LRRC18: variants seen among roughly 807,000 people sequenced by gnomAD.
LRRC18 encodes leucine-rich repeat-containing protein 18.
Under a neutral mutation model 11.2 loss-of-function variants are expected in LRRC18, and 12 were observed. The observed-to-expected ratio is 1.07, with a 90% CI of 0.69 to 1.74. The LOEUF is 1.74. LRRC18 is among the 40% of genes most tolerant of loss of function. LRRC18 has a pLI of 0.00. For synonymous variants in LRRC18, 155 were observed against 130.6 expected, an observed-to-expected ratio of 1.19 and a Z score of -1.27; for missense variants, 374 against 330.5, an observed-to-expected ratio of 1.13 and a Z score of -1.02.
In LRRC18 at chr10:48,913,858, A is replaced by G; in HGVS notation, c.298T>C (p.Tyr100His). Reference sequence around the variant, plus strand: ...AGCCGGTTGTTGCTGACGTTGAGGTAGAGCAGGCTGGTCATCTGGCCAATG... The same window carrying G: ...AGCCGGTTGTTGCTGACGTTGAGGTGGAGCAGGCTGGTCATCTGGCCAATG... The change falls in exon 1 of 2, where the codon TAC becomes CAC. Residue 100 changes from tyrosine (Y) to histidine (H), a missense_variant. Physicochemically the swap from Tyr to His is moderately conservative, Grantham distance 83. Transcript: ENST00000374160. 1.9e-6 allele frequency: 3 copies of G among 1,614,110 alleles called. No individual in the cohort carries two copies. The highest frequency in any genetic ancestry group is 2.5e-6 in the Non-Finnish European group (3 of 1,180,006).
chr10:48,929,809 C>G, the LRRC18 span, among the ~76,000 whole-genome samples: 1 of 152,156 alleles, frequency 6.6e-6, no homozygotes, highest in Non-Finnish European at 1.5e-5. Context: ...GGCTGACAGC[C>G]TTGGCCTCCT....
the LRRC18 span, among the ~76,000 whole-genome samples, chr10:48,929,475 T>C: frequency 2.0e-5 from 3 of 152,080 alleles, no homozygotes; most frequent in African/African-American, 4.8e-5. Flanking sequence ...AGGAAGTTGA[T>C]TGGGTGGGTT....
chr10:48,933,674 G>A, the LRRC18 span, among the ~76,000 whole-genome samples: 1 of 152,148 alleles, frequency 6.6e-6, no homozygotes, highest in Non-Finnish European at 1.5e-5. Context: ...TCCATTATAT[G>A]ATACTAGTAG....
intron 1 of LRRC18, among the ~76,000 whole-genome samples, chr10:48,911,893 C>T (rs1294475120): frequency 6.6e-6 from 1 of 152,142 alleles, no homozygotes; most frequent in Non-Finnish European, 1.5e-5. Context: ...CTAAGCATTA[C>T]AAGAGGAAGT....
chr10:48,927,351 A>T, the LRRC18 span, among the ~76,000 whole-genome samples: 2 of 152,110 alleles, frequency 1.3e-5, no homozygotes, highest in African/African-American at 2.4e-5. Context: ...TTGTGGTAGG[A>T]ATATCCCTCC....
At chr10:48,909,509 G>A (rs1837815999) in exon 2 of LRRC18, 1 of 152,126 alleles carries the variant, frequency 6.6e-6, no homozygotes, top group South Asian at 2.1e-4. Context: ...GTTTATTTGA[G>A]TCATGGTTCT....
chr10:48,923,907 G>A, the LRRC18 span, among the ~76,000 whole-genome samples: 1 of 152,196 alleles, frequency 6.6e-6, no homozygotes, highest in Admixed American at 6.5e-5. Flanking sequence ...TCCAGCAAAT[G>A]GGACATCCAG....
At chr10:48,913,643 C>A in exon 1 of LRRC18, 6 of 1,613,884 alleles carry the variant, frequency 3.7e-6, no homozygotes, top group Admixed American at 1.7e-5. Context: ...TTATGTTGAG[C>A]TTTTTCAGCT....
chr10:48,931,461 G>T, the LRRC18 span, among the ~76,000 whole-genome samples: 2 of 152,290 alleles, frequency 1.3e-5, no homozygotes, highest in East Asian at 3.9e-4. Flanking sequence ...GCCACAGAGG[G>T]CCGTGCTATA....
chr10:48,914,342 C>T (rs79584327), upstream of LRRC18: 3,247 of 650,960 alleles, frequency 5.0e-3, 63 homozygotes, highest in African/African-American at 0.032. Context: ...AAGAGGATTG[C>T]GGAGAGAAGT....
chr10:48,913,694 G>T (rs1838225738), exon 1 of LRRC18: 2 of 1,612,950 alleles, frequency 1.2e-6, no homozygotes, highest in East Asian at 2.2e-5. Context: ...TGTTCAGTAG[G>T]TTGTCATGGA....
the LRRC18 span, among the ~76,000 whole-genome samples, chr10:48,927,127 C>T: frequency 1.3e-5 from 2 of 151,990 alleles, no homozygotes; most frequent in South Asian, 2.1e-4. Context: ...TGATTTTTAC[C>T]GTGTGAGCTC....
At chr10:48,910,937 T>C (rs192159213) in intron 1 of LRRC18, 2 of 983,756 alleles carry the variant, frequency 2.0e-6, no homozygotes, top group East Asian at 1.1e-4. Context: ...CTGAACCTTT[T>C]GAATACCTAA....
At chr10:48,914,869 G>C (rs558075639), upstream of LRRC18, among the ~76,000 whole-genome samples, 8 of 152,286 alleles carry the variant, frequency 5.3e-5, no homozygotes, top group South Asian at 1.5e-3. Context: ...GAGCACACAG[G>C]GGGATGGGGG....
chr10:48,926,669 TA>T, the LRRC18 span, among the ~76,000 whole-genome samples: 258 of 152,356 alleles, frequency 1.7e-3, 1 homozygote, highest in African/African-American at 6.0e-3. Flanking sequence ...AGATGTACCA[TA>T]TATATGTGGG....
At chr10:48,920,225 C>T in the LRRC18 span, among the ~76,000 whole-genome samples, 1 of 152,084 alleles carries the variant, frequency 6.6e-6, no homozygotes, top group Non-Finnish European at 1.5e-5. Context: ...AAAGGCCCTT[C>T]CTTATCTGGC....
chr10:48,932,995 G>C, the LRRC18 span, among the ~76,000 whole-genome samples: 1 of 152,140 alleles, frequency 6.6e-6, no homozygotes, highest in African/African-American at 2.4e-5. Context: ...ACAACATAAG[G>C]CCTTCTATAA....
the LRRC18 span, among the ~76,000 whole-genome samples, chr10:48,919,371 T>G: frequency 6.6e-6 from 1 of 152,184 alleles, no homozygotes; most frequent in Non-Finnish European, 1.5e-5. Context: ...CTGTATTTAT[T>G]GAAGAAATGG....
chr10:48,913,790 G>A (rs766810748), exon 1 of LRRC18: 2 of 1,613,996 alleles, frequency 1.2e-6, no homozygotes, highest in Non-Finnish European at 1.7e-6. Context: ...CAGCGCGGAT[G>A]TTCTTGAGTT....
Sources: gnomAD v4.1 joint callset for allele counts (sites outside exome capture counted in the v4.1 genomes callset) on GRCh38, gnomAD v4.1.1 for gene constraint, MANE v1.5 for transcripts, NCBI Gene and HGNC (gene_info 2026-07-23, HGNC 2026-07-21) for gene names.